The following DGKA variants were observed in gnomAD, a reference collection of about 807,000 sequenced individuals.
The protein encoded by DGKA is diacylglycerol kinase alpha.
DGKA carries 35 observed loss-of-function variants against 105.0 expected under a neutral mutation model. The ratio of observed to expected loss-of-function variants is 0.33; its 90% CI spans 0.25 to 0.44. The LOEUF (loss-of-function observed/expected upper bound fraction) is 0.44, where lower values mean the gene tolerates loss of function less well. Ranked by LOEUF, DGKA falls within the 20% of genes least tolerant of loss-of-function variation. The pLI is 1.00. For synonymous variants in DGKA, 296 were observed against 332.0 expected (o/e 0.89, Z 1.18); for missense variants, 665 against 915.0 (o/e 0.73, Z 3.53).
Position 55,952,436 on chromosome 12 carries a change from G to A in DGKA, c.1743+5G>A. The A allele has an allele frequency of 6.2e-7, 1 of 1,613,672 alleles. No individual in the cohort carries two copies. Among genetic ancestry groups the A allele is most frequent in the Non-Finnish European group, 8.5e-7 (1 of 1,179,576 alleles). Reference sequence around the variant, plus strand: ...GAGGAGTCTTTGACAGTTGAGGTGTGTGTAATAAGACTTAACCCTACATCC... The same window carrying A: ...GAGGAGTCTTTGACAGTTGAGGTGTATGTAATAAGACTTAACCCTACATCC... On this transcript the variant is annotated splice_donor_5th_base_variant and intron_variant, in intron 20 of 23. Coordinates refer to ENST00000331886, the MANE Select transcript of DGKA (RefSeq NM_001345.5). This position sits in a 1 kb window ranked among gnomAD's most constrained non-coding sequence, Gnocchi z 5.1.
At chr12:55,941,932 T>C in intron 15 of DGKA, 66 bp from the exon 16 acceptor site, 1 of 1,525,814 alleles carries the variant, frequency 6.6e-7, no homozygotes, top group Non-Finnish European at 9.1e-7. Context: ...GCAATCTGCC[T>C]GCTCAGGACT....
At chr12:55,948,379 C>T (rs1457802078) in intron 17 of DGKA, among the ~76,000 whole-genome samples, 6 of 146,552 alleles carry the variant, frequency 4.1e-5, no homozygotes, top group African/African-American at 7.6e-5. Flanking sequence ...TCAGCCTGGA[C>T]GACAGAGCTA....
chr12:55,936,724 G>T (rs1390160378), intron 2 of DGKA, 157 bp downstream of exon 2: 1 of 1,116,556 alleles, frequency 9.0e-7, no homozygotes, highest in East Asian at 2.4e-5. Context: ...GTGGGAGATG[G>T]GGAGATGTCA....
In DGKA at chr12:55,939,483, G is replaced by C. The variant is rs145805273; in HGVS notation, c.663G>C (p.Leu221=). The C allele has an allele frequency of 1.6e-4, 259 of 1,614,108 alleles. 1 individual carries two copies. The highest frequency in any genetic ancestry group is 2.2e-4 in the Non-Finnish European group (254 of 1,180,052). The part of the protein sequence containing the change: ...KRFPRPVYCN[L]CESSIGLGKQ... Reference sequence around the variant, plus strand: ...TCCCCAGACCAGTCTACTGCAATCTGTGCGAGTCAAGCATTGGTCTTGGCA... The same window carrying C: ...TCCCCAGACCAGTCTACTGCAATCTCTGCGAGTCAAGCATTGGTCTTGGCA... Residue 221 remains leucine, a synonymous_variant, in exon 9 of 24, where the codon CTG becomes CTC. Transcript: ENST00000331886.
At position 55,941,284 on chromosome 12, in the gene DGKA, C is replaced by T. The variant is rs768135286; in HGVS notation, c.1134C>T (p.Leu378=). 4 of 1,613,744 alleles carry T rather than the reference C, an allele frequency of 2.5e-6. No individual in the cohort carries two copies. Among genetic ancestry groups the T allele is most frequent in the Admixed American group, 3.3e-5 (2 of 59,996 alleles). The change falls in exon 14 of 24, where the codon CTC becomes CTT. Residue 378 remains leucine (L), a synonymous_variant. Coordinates refer to ENST00000331886, the MANE Select transcript of DGKA (RefSeq NM_001345.5). The part of the protein sequence containing the change: ...IDPVPNTHPL[L]VFVNPKSGGK... ...CTGTTCCTAACACCCACCCACTTCT[C>T]GTCTTTGTCAATCCTAAGAGTGGCG...
upstream of DGKA, chr12:55,927,682 G>T: frequency 6.5e-7 from 1 of 1,537,332 alleles, no homozygotes. Flanking sequence ...CCAGAGACCC[G>T]CGGGAGGGGC....
Position 55,932,709 on chromosome 12 carries a change from G to T in DGKA, c.-82+1365G>T, listed in dbSNP as rs75411784. On this transcript the variant is annotated intron_variant, in intron 1 of 23. Coordinates refer to ENST00000331886, the MANE Select transcript of DGKA (RefSeq NM_001345.5). The surrounding 1 kb of genome is among the most constrained non-coding windows in gnomAD (Gnocchi z 4.3). ...ACACCCTCTACACACACACACACAC[G>T]CACACACACACACACACACACACAC... The T allele has an allele frequency of 8.0e-6, 4 of 497,632 alleles. No homozygotes were observed. Among genetic ancestry groups the T allele is most frequent in the Non-Finnish European group, 1.1e-5 (3 of 271,130 alleles). The allele number at this position is 497,632 out of a possible 1,614,324, so 30.8% of individuals were successfully genotyped here. A position where few individuals can be genotyped will look rare whatever the true frequency, so the allele number is the denominator to read the frequency against.
At chr12:55,933,798 A>G (rs906588998) in intron 1 of DGKA, among the ~76,000 whole-genome samples, 3 of 152,226 alleles carry the variant, frequency 2.0e-5, no homozygotes, top group Non-Finnish European at 4.4e-5. Context: ...CCTGAAATTT[A>G]TGCCTTCCTG....
intron 17 of DGKA, 137 bp downstream of exon 17, chr12:55,942,400 T>A: frequency 1.3e-6 from 1 of 782,838 alleles, no homozygotes; most frequent in Non-Finnish European, 2.1e-6. Context: ...GATACAAAAG[T>A]GGAATGTCCA....
intron 17 of DGKA, among the ~76,000 whole-genome samples, chr12:55,945,774 C>T (rs995284407): frequency 1.3e-5 from 2 of 151,578 alleles, no homozygotes; most frequent in African/African-American, 4.9e-5. Context: ...CCAGTATGAT[C>T]CCCCATCTCA....
rs755367230 is a variant in DGKA at position 55,939,401 on chromosome 12, C to T, written c.595-14C>T. On this transcript the variant is annotated splice_polypyrimidine_tract_variant and intron_variant, in intron 8 of 23. Coordinates refer to ENST00000331886, the MANE Select transcript of DGKA (RefSeq NM_001345.5). ...GGGCTTTGACACTCCCTAGCATCTA[C>T]TGTGCCTTCCTAGACTCTGAAGGAC... is the stretch of plus-strand genomic sequence containing the variant. The T allele has an allele frequency of 1.2e-6, 2 of 1,614,110 alleles. No homozygotes were observed. Among genetic ancestry groups the T allele is most frequent in the Non-Finnish European group, 1.7e-6 (2 of 1,179,980 alleles).
In DGKA at chr12:55,938,961, T is replaced by A; in HGVS notation, c.446T>A (p.Leu149Gln). 1.2e-6 allele frequency: 2 copies of A among 1,614,198 alleles called. No homozygotes were observed. The highest frequency in any genetic ancestry group is 1.7e-6 in the Non-Finnish European group (2 of 1,180,040). The change falls in exon 7 of 24, where the codon CTG becomes CAG. Residue 149 changes from leucine (L) to glutamine (Q), a missense_variant. Leu to Gln is a moderately radical substitution (Grantham distance 113). Around this residue, in one of 3 missense-constraint regions of DGKA, gnomAD observed 504 missense variants for 681.2 expected, o/e 0.74. Coordinates refer to ENST00000331886, the MANE Select transcript of DGKA (RefSeq NM_001345.5). ...CAGATGATGCGAGTGGCTGAATACCTGGATTGGGATGTGTCTGAGCTGAGG... is the reference window on the plus strand; with the variant it reads ...CAGATGATGCGAGTGGCTGAATACCAGGATTGGGATGTGTCTGAGCTGAGG... The part of the protein sequence containing the change: ...ILQMMRVAEY[L>Q]DWDVSELRPI...
chr12:55,936,711 G>A (rs1369215740), intron 2 of DGKA, 144 bp downstream of exon 2: 3 of 1,195,468 alleles, frequency 2.5e-6, no homozygotes, highest in African/African-American at 1.5e-5. Flanking sequence ...GGAAATGGGA[G>A]GAGTGGGAGA....
chr12:55,938,485 C>A (rs760415366), intron 5 of DGKA, 26 bp from the exon 6 acceptor site: 6 of 1,613,312 alleles, frequency 3.7e-6, no homozygotes, highest in Non-Finnish European at 5.1e-6. Flanking sequence ...ACAAACTGAC[C>A]CTGGCCCCCC....
In DGKA at chr12:55,940,647, G is replaced by C. The variant is rs1239408705; in HGVS notation, c.942G>C (p.Ala314=). The C allele has an allele frequency of 1.3e-6, 2 of 1,587,330 alleles. No homozygotes were observed. Among genetic ancestry groups the C allele is most frequent in the Admixed American group, 1.9e-5 (1 of 52,158 alleles). ...HLEIHDDCLQ[A]VGHECDCGLL... ...AGATCCACGATGACTGCCTGCAAGC[G>C]GTGGGCCATGAGTGTGACTGTGGGC... Residue 314 remains alanine, a synonymous_variant, in exon 12 of 24, where the codon GCG becomes GCC. Transcript: ENST00000331886. The surrounding 1 kb of genome is among the most constrained non-coding windows in gnomAD (Gnocchi z 4.3).
intron 17 of DGKA, among the ~76,000 whole-genome samples, chr12:55,950,118 G>T (rs976492337): frequency 1.3e-5 from 2 of 151,684 alleles, no homozygotes; most frequent in Admixed American, 6.6e-5. Flanking sequence ...GGGATTGCAG[G>T]TGTCCGCCAC....
At chr12:55,933,778 G>A (rs1884113634) in intron 1 of DGKA, among the ~76,000 whole-genome samples, 1 of 152,142 alleles carries the variant, frequency 6.6e-6, no homozygotes, top group Admixed American at 6.5e-5. Context: ...CTTCACTGAT[G>A]CTAGCAGTCC....
intron 17 of DGKA, among the ~76,000 whole-genome samples, chr12:55,943,067 G>A (rs1260734066): frequency 2.6e-5 from 4 of 152,120 alleles, no homozygotes; most frequent in Non-Finnish European, 5.9e-5. Flanking sequence ...ATGATGGAGG[G>A]TTATGAATAC....
chr12:55,953,238 G>C (rs1888515393), intron 22 of DGKA, 78 bp downstream of exon 22: 1 of 1,611,224 alleles, frequency 6.2e-7, no homozygotes, highest in Admixed American at 1.7e-5. Flanking sequence ...ATGGTGGGGA[G>C]GGGCTTTACT....
Sources: gnomAD v4.1 joint callset for allele counts (sites outside exome capture counted in the v4.1 genomes callset) on GRCh38, gnomAD v4.1.1 for gene constraint, gnomAD v4.1.1 regional missense constraint, Gnocchi (gnomAD v3.1) non-coding constraint, MANE v1.5 for transcripts, NCBI Gene and HGNC (gene_info 2026-07-23, HGNC 2026-07-21) for gene names.